Variants in DTNA observed in about 807,000 individuals in gnomAD.
DTNA encodes dystrophin-related protein 3.
In DTNA, 43 loss-of-function variants were observed where a neutral mutation model predicts 100.7. The ratio of observed to expected loss-of-function variants is 0.43; its 90% CI spans 0.33 to 0.55. The LOEUF (loss-of-function observed/expected upper bound fraction) is 0.55. DTNA is among the 20% of genes least tolerant of loss of function. The pLI, the probability that DTNA is intolerant of heterozygous loss-of-function variation, is 0.04. For synonymous variants in DTNA, 349 were observed against 347.9 expected (o/e 1.00, Z -0.04); for missense variants, 798 against 953.9 (o/e 0.84, Z 2.15).
At chr18:34,828,083 A>G (rs779543884) in intron 10 of DTNA, among the ~76,000 whole-genome samples, 21 of 152,226 alleles carry the variant, frequency 1.4e-4, no homozygotes, top group Non-Finnish European at 2.6e-4. Context: ...GCTAAGATAC[A>G]AAAGAATCCT....
intron 1 of DTNA, among the ~76,000 whole-genome samples, chr18:34,746,284 G>A (rs966914761): frequency 3.3e-5 from 5 of 151,902 alleles, no homozygotes; most frequent in Admixed American, 3.3e-4. Context: ...AAAAGAAACA[G>A]ATATATTTTC....
At chr18:34,726,102 TG>T (rs2086619541) in intron 1 of DTNA, among the ~76,000 whole-genome samples, 2 of 151,280 alleles carry the variant, frequency 1.3e-5, no homozygotes, top group South Asian at 2.1e-4. Flanking sequence ...TGTCGGGGAG[TG>T]GGGGGCTGGA....
intron 1 of DTNA, among the ~76,000 whole-genome samples, chr18:34,503,553 G>A (rs924721491): frequency 1.3e-5 from 2 of 151,672 alleles, no homozygotes; most frequent in Admixed American, 6.6e-5. Context: ...CAAAGCGCTG[G>A]GATTATAGGC....
intron 19 of DTNA, 49 bp from the exon 20 acceptor site, chr18:34,879,502 T>TA: frequency 6.2e-7 from 1 of 1,603,776 alleles, no homozygotes; most frequent in Non-Finnish European, 8.5e-7. Context: ...TTGCAGGTCA[T>TA]AAAAAAATCT....
intron 1 of DTNA, among the ~76,000 whole-genome samples, chr18:34,595,598 A>G (rs2050433334): frequency 6.6e-6 from 1 of 152,192 alleles, no homozygotes; most frequent in Non-Finnish European, 1.5e-5. Context: ...TCTGATAATT[A>G]TAGTATCTCA....
At chr18:34,787,543 C>A (rs1391404635) in intron 3 of DTNA, among the ~76,000 whole-genome samples, 2 of 152,112 alleles carry the variant, frequency 1.3e-5, no homozygotes, top group Non-Finnish European at 2.9e-5. Flanking sequence ...TCTACTATTT[C>A]TAATAAAGTT....
chr18:34,839,921 G>A (rs1164383331), intron 13 of DTNA, among the ~76,000 whole-genome samples: 1 of 152,142 alleles, frequency 6.6e-6, no homozygotes, highest in East Asian at 1.9e-4. Flanking sequence ...TCAGATGCTA[G>A]GCCATTGCTC....
intron 1 of DTNA, among the ~76,000 whole-genome samples, chr18:34,653,439 A>G (rs2073903131): frequency 6.6e-6 from 1 of 152,138 alleles, no homozygotes; most frequent in South Asian, 2.1e-4. Flanking sequence ...AGTGAATACT[A>G]TAGTTAAGGC....
intron 1 of DTNA, among the ~76,000 whole-genome samples, chr18:34,741,817 T>A (rs757985677): frequency 3.3e-5 from 5 of 152,212 alleles, no homozygotes; most frequent in Non-Finnish European, 5.9e-5. Context: ...TAATATCTGA[T>A]ACATAATAAA....
intron 9 of DTNA, chr18:34,821,509 C>G (rs2095716858): frequency 2.2e-6 from 1 of 456,376 alleles, no homozygotes; most frequent in Non-Finnish European, 4.4e-6. Context: ...GTTGGGCCAA[C>G]AAACAGTCCT....
intron 1 of DTNA, among the ~76,000 whole-genome samples, chr18:34,701,052 G>T (rs557916456): frequency 6.6e-6 from 1 of 152,020 alleles, no homozygotes; most frequent in Non-Finnish European, 1.5e-5. Flanking sequence ...CACATGCTCC[G>T]TCTCTCTGCC....
intron 17 of DTNA, chr18:34,866,813 T>C (rs985713159): frequency 1.0e-5 from 10 of 1,001,512 alleles, no homozygotes; most frequent in Non-Finnish European, 1.2e-5. Flanking sequence ...AAAAAGTAAC[T>C]CTCAGCTTTT....
intron 1 of DTNA, among the ~76,000 whole-genome samples, chr18:34,510,985 A>G (rs2041023028): frequency 6.6e-6 from 1 of 152,060 alleles, no homozygotes; most frequent in Non-Finnish European, 1.5e-5. Context: ...ACAGAAAAGC[A>G]TTACTTTCAG....
intron 7 of DTNA, among the ~76,000 whole-genome samples, chr18:34,817,014 A>T (rs1410618000): frequency 6.6e-6 from 1 of 152,202 alleles, no homozygotes; most frequent in Non-Finnish European, 1.5e-5. Flanking sequence ...CCATGTTATT[A>T]TGCAAAATGA....
At chr18:34,842,102 C>G (rs1287248157) in intron 13 of DTNA, among the ~76,000 whole-genome samples, 2 of 152,108 alleles carry the variant, frequency 1.3e-5, no homozygotes, top group Non-Finnish European at 2.9e-5. Flanking sequence ...TACCCTCCCC[C>G]AAAGCTTGTC....
chr18:34,814,697 G>GA (rs796421224), intron 6 of DTNA, among the ~76,000 whole-genome samples: 7 of 140,090 alleles, frequency 5.0e-5, no homozygotes, highest in Admixed American at 7.1e-5. Context: ...GTCTCTAAAA[G>GA]AAAAAAAAAA....
At chr18:34,718,982 A>G (rs2084664520) in intron 1 of DTNA, among the ~76,000 whole-genome samples, 1 of 152,108 alleles carries the variant, frequency 6.6e-6, no homozygotes, top group African/African-American at 2.4e-5. Flanking sequence ...ATTTAAGGCA[A>G]TTAACCCTTT....
At chr18:34,797,205 G>A (rs2095016998) in intron 4 of DTNA, among the ~76,000 whole-genome samples, 1 of 152,102 alleles carries the variant, frequency 6.6e-6, no homozygotes, top group South Asian at 2.1e-4. Flanking sequence ...TTTTAAAAAT[G>A]GCTGTATTCC....
At chr18:34,798,091 C>A (rs750753185) in intron 4 of DTNA, among the ~76,000 whole-genome samples, 2 of 152,162 alleles carry the variant, frequency 1.3e-5, no homozygotes, top group Non-Finnish European at 2.9e-5. Context: ...CCTTCGCCTC[C>A]TGGCCTAGAG....
Sources: gnomAD v4.1 joint callset for allele counts (sites outside exome capture counted in the v4.1 genomes callset) on GRCh38, gnomAD v4.1.1 for gene constraint, MANE v1.5 for transcripts, NCBI Gene and HGNC (gene_info 2026-07-23, HGNC 2026-07-21) for gene names.